Variants in LSP1 observed in about 807,000 individuals in gnomAD.
LSP1 encodes the protein lymphocyte specific protein 1, also known as lymphocyte-specific protein 1.
In LSP1, 32 loss-of-function variants were observed where a neutral mutation model predicts 49.3. The observed-to-expected ratio is 0.65, with a 90% CI of 0.49 to 0.87. LSP1 has a LOEUF of 0.87. LSP1 is among the 40% of genes least tolerant of loss of function. The pLI, the probability that LSP1 is intolerant of heterozygous loss-of-function variation, is 0.00. For missense variants in LSP1, 428 were observed against 442.6 expected, an observed-to-expected ratio of 0.97 and a Z score of 0.30; for synonymous variants, 179 against 178.8, an observed-to-expected ratio of 1.00 and a Z score of -0.01.
intron 1 of LSP1, among the ~76,000 whole-genome samples, chr11:1,868,032 G>A (rs1218826231): frequency 6.6e-6 from 1 of 152,228 alleles, no homozygotes; most frequent in Non-Finnish European, 1.5e-5. Context: ...GCACCTGGGA[G>A]TCTGCCCTGT....
chr11:1,871,929 G>GGT (rs1369789307), intron 1 of LSP1, among the ~76,000 whole-genome samples: 1 of 82,678 alleles, frequency 1.2e-5, no homozygotes. Context: ...TGGGAGGGGG[G>GGT]GTGTGTGGCG....
chr11:1,876,095 C>T (rs1307038595), intron 1 of LSP1, among the ~76,000 whole-genome samples: 6 of 152,248 alleles, frequency 3.9e-5, no homozygotes, highest in Non-Finnish European at 8.8e-5. Flanking sequence ...GGCCCCGACA[C>T]ACACTCCGAA....
At chr11:1,879,938 G>A (rs1848466818) in intron 1 of LSP1, 149 bp from the exon 2 acceptor site, 2 of 859,432 alleles carry the variant, frequency 2.3e-6, no homozygotes, top group South Asian at 3.6e-5. Flanking sequence ...TGGACAAGGT[G>A]AGGCCTGAGG....
intron 10 of LSP1, among the ~76,000 whole-genome samples, chr11:1,888,355 A>G (rs927702652): frequency 6.6e-5 from 10 of 152,024 alleles, no homozygotes; most frequent in Middle Eastern, 6.3e-3. Context: ...AGCTGTTCCC[A>G]TAGGGTTGGG....
chr11:1,857,577 G>A (rs756390092), intron 1 of LSP1, among the ~76,000 whole-genome samples: 10 of 152,196 alleles, frequency 6.6e-5, no homozygotes, highest in African/African-American at 9.7e-5. Flanking sequence ...CTGCTGGGGC[G>A]GCGGGAGGGG....
chr11:1,876,584 G>C, intron 1 of LSP1: 1 of 985,608 alleles, frequency 1.0e-6, no homozygotes, highest in South Asian at 4.7e-5. Context: ...GCAGGGGGCA[G>C]AGTCGGGACG....
chr11:1,868,274 G>A (rs1392105139), intron 1 of LSP1, among the ~76,000 whole-genome samples: 1 of 152,260 alleles, frequency 6.6e-6, no homozygotes, highest in African/African-American at 2.4e-5. Context: ...GAGGGGGGCT[G>A]GGGATCAGCC....
In LSP1 at chr11:1,884,651, G is replaced by C; in HGVS notation, c.717+70G>C. ...GGCACCATTCCTTCATCCAACCAACGCCCTTCCATCCAATCAGTGCCGCCT... is the reference window on the plus strand; with the variant it reads ...GGCACCATTCCTTCATCCAACCAACCCCCTTCCATCCAATCAGTGCCGCCT... On this transcript the variant is annotated intron_variant, in intron 7 of 10. Coordinates refer to ENST00000311604, the MANE Select transcript of LSP1 (RefSeq NM_002339.3). This position sits in a 1 kb window ranked among gnomAD's most constrained non-coding sequence, Gnocchi z 4.1. 7.4e-7 allele frequency: 1 copy of C among 1,350,414 alleles called. No homozygotes were observed. The highest frequency in any genetic ancestry group is 1.1e-6 in the Non-Finnish European group (1 of 949,350). The allele number at this position is 1,350,414 out of a possible 1,614,324, so 83.7% of individuals were successfully genotyped here.
chr11:1,867,713 C>A (rs528003437), intron 1 of LSP1, among the ~76,000 whole-genome samples: 11 of 152,304 alleles, frequency 7.2e-5, no homozygotes, highest in African/African-American at 2.6e-4. Flanking sequence ...GTGATGAACC[C>A]TGAAGGGCCA....
intron 1 of LSP1, chr11:1,869,605 G>C: frequency 2.1e-6 from 1 of 469,956 alleles, no homozygotes; most frequent in Non-Finnish European, 4.4e-6. Flanking sequence ...GCCGCACCTA[G>C]CAGGTGCCGG....
chr11:1,855,128 TGG>T (rs1259817597), intron 1 of LSP1, among the ~76,000 whole-genome samples: 1 of 152,114 alleles, frequency 6.6e-6, no homozygotes, highest in Non-Finnish European at 1.5e-5. Flanking sequence ...GCGAATTGCA[TGG>T]GGTGCGCAGC....
At chr11:1,873,583 AAGAAGGGAGGATGG>A (rs1848136759) in intron 1 of LSP1, among the ~76,000 whole-genome samples, 1 of 145,860 alleles carries the variant, frequency 6.9e-6, no homozygotes, top group South Asian at 2.2e-4. Context: ...AAGAGGGAGG[AAGAAGGGAGGATGG>A]AGAAGGGAGG....
chr11:1,869,694 C>T (rs1182267976), intron 1 of LSP1: 5 of 470,344 alleles, frequency 1.1e-5, no homozygotes, highest in African/African-American at 2.0e-5. Context: ...ATCAAAGAAG[C>T]GAGAAATGGA....
At chr11:1,859,085 G>A (rs1453626181) in intron 1 of LSP1, among the ~76,000 whole-genome samples, 1 of 152,186 alleles carries the variant, frequency 6.6e-6, no homozygotes, top group African/African-American at 2.4e-5. Flanking sequence ...TGACCTCAGT[G>A]CTTGGAGCAG....
intron 1 of LSP1, among the ~76,000 whole-genome samples, chr11:1,862,700 G>T (rs1847673042): frequency 6.6e-6 from 1 of 151,920 alleles, no homozygotes; most frequent in Admixed American, 6.6e-5. Flanking sequence ...CTTTCCCTGG[G>T]TGATCTCACC....
rs2133124031 is a variant in LSP1 at position 1,884,027 on chromosome 11, A to C, written c.591+3A>C. 2 of 1,608,192 alleles carry C rather than the reference A, an allele frequency of 1.2e-6. No homozygotes were observed. The highest frequency in any genetic ancestry group is 2.2e-5 in the South Asian group (2 of 90,370). On this transcript the variant is annotated splice_donor_region_variant and intron_variant, in intron 5 of 10. Coordinates refer to ENST00000311604, the MANE Select transcript of LSP1 (RefSeq NM_002339.3). The surrounding 1 kb of genome is among the most constrained non-coding windows in gnomAD (Gnocchi z 4.1). Reference sequence around the variant, plus strand: ...CTCCCCTGAGCCCTACCACCAAAGTAAGTTAAGCTGCAAAGCCTGCCATCT... The same window carrying C: ...CTCCCCTGAGCCCTACCACCAAAGTCAGTTAAGCTGCAAAGCCTGCCATCT...
In LSP1 at chr11:1,884,145, C is replaced by T; in HGVS notation, c.591+121C>T. 1.4e-6 allele frequency: 2 copies of T among 1,424,208 alleles called. No individual in the cohort carries two copies. Among genetic ancestry groups the T allele is most frequent in the Non-Finnish European group, 2.0e-6 (2 of 1,013,724 alleles). 88.2% of individuals were successfully genotyped at this position (1,424,208 alleles called of 1,614,324 possible). ...AGGCCTGGCTTTTGTCTGCTATCCC[C>T]CCATTGCCCGGTGCTCAGCGAACCC... On this transcript the variant is annotated intron_variant, in intron 5 of 10. Transcript: ENST00000311604. The surrounding 1 kb of genome is among the most constrained non-coding windows in gnomAD (Gnocchi z 4.1).
chr11:1,856,685 C>T (rs1847497391), intron 1 of LSP1, among the ~76,000 whole-genome samples: 1 of 152,222 alleles, frequency 6.6e-6, no homozygotes, highest in Non-Finnish European at 1.5e-5. Flanking sequence ...GGCTGGAGGC[C>T]CCCGGCAGCC....
chr11:1,869,692 A>G (rs1479277437), intron 1 of LSP1: 2 of 470,658 alleles, frequency 4.2e-6, no homozygotes, highest in African/African-American at 4.0e-5. Context: ...AGATCAAAGA[A>G]GCGAGAAATG....
Sources: allele counts gnomAD v4.1 joint callset (sites outside exome capture counted in the v4.1 genomes callset), GRCh38; gene constraint gnomAD v4.1.1; non-coding constraint Gnocchi (gnomAD v3.1); transcripts MANE v1.5; gene names NCBI Gene and HGNC (gene_info 2026-07-23, HGNC 2026-07-21).